RSF1: variants seen among roughly 807,000 people sequenced by gnomAD.
RSF1 encodes HBV pX-associated protein 8.
A neutral mutation model predicts 145.2 loss-of-function variants in RSF1; 13 were observed. The ratio of observed to expected loss-of-function variants is 0.09; its 90% CI spans 0.06 to 0.14. RSF1 has a LOEUF of 0.14. Among genes scored for constraint, RSF1 ranks in the 10% least tolerant of loss-of-function variants. The pLI is 1.00. For synonymous variants in RSF1, 577 were observed against 592.6 expected (o/e 0.97, Z 0.38); for missense variants, 1,517 against 1,718.2 (o/e 0.88, Z 2.07).
chr11:77,806,010 C>T (rs1390888624), intron 1 of RSF1, among the ~76,000 whole-genome samples: 2 of 152,164 alleles, frequency 1.3e-5, no homozygotes, highest in African/African-American at 4.8e-5. Context: ...TTTCTCAGAT[C>T]TAGCCTTTTC....
At chr11:77,690,075 T>C (rs1960110986) in intron 9 of RSF1, among the ~76,000 whole-genome samples, 1 of 147,144 alleles carries the variant, frequency 6.8e-6, no homozygotes, top group Non-Finnish European at 1.5e-5. Context: ...GGCAAAAAAA[T>C]CACTTGAACC....
At chr11:77,805,285 A>G (rs985253589) in intron 1 of RSF1, among the ~76,000 whole-genome samples, 2 of 152,146 alleles carry the variant, frequency 1.3e-5, no homozygotes, top group Admixed American at 6.6e-5. Flanking sequence ...CCCGGCCTAC[A>G]TGGTGAAACC....
chr11:77,753,076 A>T (rs1590867818), intron 2 of RSF1, among the ~76,000 whole-genome samples: 2 of 152,264 alleles, frequency 1.3e-5, no homozygotes, highest in Admixed American at 6.5e-5. Context: ...AAATAACCAT[A>T]AAAATGGGCA....
intron 6 of RSF1, 128 bp from the exon 7 acceptor site, chr11:77,698,821 G>T: frequency 1.4e-6 from 1 of 727,218 alleles, no homozygotes; most frequent in South Asian, 1.8e-5. Context: ...AATTATTATA[G>T]TCTCATCATC....
chr11:77,742,829 T>C (rs1162863021), intron 3 of RSF1, among the ~76,000 whole-genome samples: 1 of 152,190 alleles, frequency 6.6e-6, no homozygotes, highest in Non-Finnish European at 1.5e-5. Context: ...GTTGCTTGAG[T>C]TCTTTATATG....
the RSF1 span, chr11:77,842,532 G>C: frequency 3.1e-6 from 5 of 1,613,942 alleles, no homozygotes; most frequent in African/African-American, 5.3e-5. Flanking sequence ...TATCATGGGG[G>C]CAAATGAAAG....
chr11:77,736,192 A>ACGTTCTTGCT (rs962819048), intron 4 of RSF1, among the ~76,000 whole-genome samples: 1 of 152,206 alleles, frequency 6.6e-6, no homozygotes, highest in African/African-American at 2.4e-5. Context: ...GGAAAAACAA[A>ACGTTCTTGCT]CGTTCTTGCT....
the RSF1 span, chr11:77,872,023 C>A: frequency 1.5e-6 from 1 of 687,952 alleles, no homozygotes. Context: ...CATTGGGGCT[C>A]ACTGCCAAAT....
upstream of RSF1, among the ~76,000 whole-genome samples, chr11:77,822,167 C>T (rs550260339): frequency 6.6e-5 from 10 of 152,152 alleles, no homozygotes; most frequent in South Asian, 1.5e-3. Flanking sequence ...TGGCCGGGCG[C>T]GGTGGCTCAT....
chr11:77,666,890 A>T lies in RSF1; in HGVS notation c.*27T>A. On this transcript the variant is annotated 3_prime_UTR_variant, in exon 16 of 16. Transcript: ENST00000308488. ...CTGGTGTGAGAGCTACCGTGGAATAAATTAGCACAAAAATGGAAAAAAAGT... is the reference window on the plus strand; with the variant it reads ...CTGGTGTGAGAGCTACCGTGGAATATATTAGCACAAAAATGGAAAAAAAGT... 1 of 1,497,890 alleles carries T rather than the reference A, an allele frequency of 6.7e-7. No individual in the cohort carries two copies. Among genetic ancestry groups the T allele is most frequent in the Non-Finnish European group, 8.9e-7 (1 of 1,118,158 alleles). 92.8% of individuals were successfully genotyped at this position (1,497,890 alleles called of 1,614,324 possible).
At chr11:77,675,515 G>A (rs543940060) in intron 13 of RSF1, among the ~76,000 whole-genome samples, 4 of 152,196 alleles carry the variant, frequency 2.6e-5, no homozygotes, top group Non-Finnish European at 5.9e-5. Flanking sequence ...TGTTAAATTC[G>A]ACATATTCAA....
chr11:77,736,852 T>C (rs1003544707), intron 4 of RSF1, among the ~76,000 whole-genome samples: 2 of 152,216 alleles, frequency 1.3e-5, no homozygotes, highest in Non-Finnish European at 2.9e-5. Context: ...CTATTCACTA[T>C]TACATCACCA....
intron 1 of RSF1, among the ~76,000 whole-genome samples, chr11:77,814,790 T>C (rs576381817): frequency 6.6e-6 from 1 of 152,312 alleles, no homozygotes; most frequent in African/African-American, 2.4e-5. Flanking sequence ...CAGAAATCCT[T>C]TGATAATGTT....
chr11:77,722,288 G>A (rs772701884), intron 5 of RSF1, among the ~76,000 whole-genome samples: 4 of 152,168 alleles, frequency 2.6e-5, no homozygotes, highest in Non-Finnish European at 5.9e-5. Flanking sequence ...TAGTTGTGTT[G>A]AGAGGTATAA....
chr11:77,761,287 C>T (rs935013410), intron 2 of RSF1, among the ~76,000 whole-genome samples: 1 of 152,000 alleles, frequency 6.6e-6, no homozygotes, highest in Admixed American at 6.6e-5. Flanking sequence ...AGTACTGAGC[C>T]CCCCAAAATA....
intron 2 of RSF1, among the ~76,000 whole-genome samples, chr11:77,759,883 T>A (rs1235627791): frequency 6.8e-6 from 1 of 148,070 alleles, no homozygotes; most frequent in Non-Finnish European, 1.5e-5. Context: ...AGCATAGCAC[T>A]GAGTTTATAA....
chr11:77,690,877 G>A (rs1316042434), intron 9 of RSF1: 4 of 413,236 alleles, frequency 9.7e-6, no homozygotes, highest in African/African-American at 2.0e-5. Context: ...AAACAAATGA[G>A]CAAGGTTGCG....
intron 1 of RSF1, among the ~76,000 whole-genome samples, chr11:77,819,714 A>T (rs1416823256): frequency 6.6e-6 from 1 of 152,108 alleles, no homozygotes. Context: ...CCCGGCTGCC[A>T]AGATGAAGGG....
intron 5 of RSF1, among the ~76,000 whole-genome samples, chr11:77,721,623 TTTG>T (rs1420704247): frequency 2.3e-4 from 35 of 152,166 alleles, no homozygotes; most frequent in Non-Finnish European, 1.2e-4. Context: ...CTAAACAGGG[TTTG>T]TTGTGAAAAT....
Sources: allele counts gnomAD v4.1 joint callset (sites outside exome capture counted in the v4.1 genomes callset), GRCh38; gene constraint gnomAD v4.1.1; transcripts MANE v1.5; gene names NCBI Gene and HGNC (gene_info 2026-07-23, HGNC 2026-07-21).